The following DOK6 variants were observed in gnomAD, a reference collection of about 807,000 sequenced individuals.
DOK6 encodes the protein downstream of tyrosine kinase 6.
Under a neutral mutation model 44.0 loss-of-function variants are expected in DOK6, and 22 were observed. The ratio of observed to expected loss-of-function variants is 0.50; its 90% CI spans 0.36 to 0.71. DOK6 has a LOEUF of 0.71. Ranked by LOEUF, DOK6 falls within the 30% of genes least tolerant of loss-of-function variation. The pLI is 0.00. For missense variants in DOK6, 340 were observed against 416.4 expected (o/e 0.82, Z 1.60); for synonymous variants, 166 against 145.5 (o/e 1.14, Z -1.01).
intron 1 of DOK6, among the ~76,000 whole-genome samples, chr18:69,418,841 T>A (rs1411940236): frequency 3.3e-5 from 5 of 152,116 alleles, no homozygotes; most frequent in Admixed American, 2.0e-4. Flanking sequence ...GCTTCTAAAT[T>A]TCATATGAGA....
chr18:69,429,709 C>A (rs1978752826), intron 1 of DOK6, among the ~76,000 whole-genome samples: 1 of 146,552 alleles, frequency 6.8e-6, no homozygotes, highest in African/African-American at 2.5e-5. Flanking sequence ...CGTACCACCT[C>A]TAATGCAGTG....
intron 3 of DOK6, among the ~76,000 whole-genome samples, chr18:69,608,456 C>G (rs1348467577): frequency 1.3e-5 from 2 of 152,050 alleles, no homozygotes; most frequent in African/African-American, 2.4e-5. Context: ...CAGCTTTATT[C>G]CTGTTTCTCA....
At chr18:69,555,776 A>G (rs1198845317) in intron 1 of DOK6, among the ~76,000 whole-genome samples, 2 of 152,220 alleles carry the variant, frequency 1.3e-5, no homozygotes, top group African/African-American at 4.8e-5. Flanking sequence ...CATATTATGC[A>G]ATCATTGGGT....
At chr18:69,659,016 A>T (rs1985440956) in intron 3 of DOK6, among the ~76,000 whole-genome samples, 1 of 152,250 alleles carries the variant, frequency 6.6e-6, no homozygotes, top group South Asian at 2.1e-4. Context: ...TTGAAAACAC[A>T]TTAAAATCAA....
intron 3 of DOK6, among the ~76,000 whole-genome samples, chr18:69,630,175 C>A (rs999906950): frequency 6.6e-6 from 1 of 152,116 alleles, no homozygotes; most frequent in African/African-American, 2.4e-5. Flanking sequence ...TAAGCCCACC[C>A]TGTACACATA....
rs879454608 is a variant in DOK6 at position 69,566,144 on chromosome 18, T to TTTAC, written c.174+1554_174+1557dup. ...ATTTATTTATTTATTTATTTATTTA[T>TTTAC]TTACTTATTTATAGACGGAGTCTGG... is the stretch of plus-strand genomic sequence containing the variant. On this transcript the variant is annotated intron_variant, in intron 2 of 7. Coordinates refer to ENST00000382713, the MANE Select transcript of DOK6 (RefSeq NM_152721.6). 4.7e-3 allele frequency among the ~76,000 whole-genome samples: 675 copies of TTTAC among 144,722 alleles called. 2 individuals are homozygous for TTTAC. The highest frequency in any genetic ancestry group is 0.015 in the African/African-American group (609 of 40,040). 94.9% of individuals were successfully genotyped at this position (144,722 alleles called of 152,430 possible). A position where few individuals can be genotyped will look rare whatever the true frequency, so the allele number is the denominator to read the frequency against.
At chr18:69,606,084 C>A (rs916837353) in intron 3 of DOK6, among the ~76,000 whole-genome samples, 2 of 151,900 alleles carry the variant, frequency 1.3e-5, no homozygotes, top group African/African-American at 4.8e-5. Flanking sequence ...TCATCCCAGG[C>A]AACATGGTGA....
chr18:69,565,170 A>C (rs1982938657), intron 2 of DOK6, among the ~76,000 whole-genome samples: 1 of 152,222 alleles, frequency 6.6e-6, no homozygotes, highest in Non-Finnish European at 1.5e-5. Flanking sequence ...AAACACAGCT[A>C]GGTATTTTAT....
rs1190103554 is a variant in DOK6 at position 69,598,582 on chromosome 18, T to C, written c.175-802T>C. Among the ~76,000 whole-genome samples, 4 of 152,270 alleles carry C rather than the reference T, an allele frequency of 2.6e-5. No individual in the cohort carries two copies. The East Asian group carries it at 7.7e-4, about 29-fold the overall frequency. On this transcript the variant is annotated intron_variant, in intron 2 of 7. Transcript: ENST00000382713. Reference sequence around the variant, plus strand: ...TTAGAAGAAAAAATTCGCACCTTGATAAGCAGATTTTAAAAAATTAACTCA... The same window carrying C: ...TTAGAAGAAAAAATTCGCACCTTGACAAGCAGATTTTAAAAAATTAACTCA...
chr18:69,495,046 A>T (rs1980843270), intron 1 of DOK6, among the ~76,000 whole-genome samples: 3 of 152,230 alleles, frequency 2.0e-5, no homozygotes. Flanking sequence ...ACAGTCACGC[A>T]TGCTGGCTGA....
chr18:69,766,261 G>A (rs973451311), intron 7 of DOK6, among the ~76,000 whole-genome samples: 1 of 152,156 alleles, frequency 6.6e-6, no homozygotes, highest in Non-Finnish European at 1.5e-5. Flanking sequence ...AGAAGGAGGA[G>A]GGCAAGGGTT....
At chr18:69,634,078 A>AT (rs1344465561) in intron 3 of DOK6, among the ~76,000 whole-genome samples, 1 of 152,082 alleles carries the variant, frequency 6.6e-6, no homozygotes, top group Non-Finnish European at 1.5e-5. Flanking sequence ...AAAAAAAAAA[A>AT]GTACAAAATG....
intron 1 of DOK6, among the ~76,000 whole-genome samples, chr18:69,547,045 A>T (rs80049156): frequency 0.052 from 7,833 of 151,500 alleles, 686 homozygotes; most frequent in African/African-American, 0.17. Flanking sequence ...TTCACGTGGA[A>T]AAAGCAGGAA....
At chr18:69,525,049 C>A (rs1406115425) in intron 1 of DOK6, among the ~76,000 whole-genome samples, 1 of 151,462 alleles carries the variant, frequency 6.6e-6, no homozygotes, top group Non-Finnish European at 1.5e-5. Flanking sequence ...TGAATTTAAT[C>A]CAATCAATAT....
chr18:69,675,358 G>A (rs1298463553), intron 3 of DOK6, among the ~76,000 whole-genome samples: 1 of 152,162 alleles, frequency 6.6e-6, no homozygotes, highest in African/African-American at 2.4e-5. Flanking sequence ...GCACCAAGGT[G>A]CTTTGACATA....
Position 69,784,371 on chromosome 18 carries a change from G to C in DOK6, c.856+26498G>C, listed in dbSNP as rs560919697. Among the ~76,000 whole-genome samples, 457 of 151,806 alleles carry C rather than the reference G, an allele frequency of 3.0e-3. 2 individuals are homozygous for C. The highest frequency in any genetic ancestry group is 7.6e-3 in the African/African-American group (313 of 41,412). The stretch of plus-strand genomic sequence containing the variant: ...GGACTTATCTTTAATTAAATTGTTA[G>C]CCTTGCCCTAGACAAAACATCATGG... On this transcript the variant is annotated intron_variant, in intron 7 of 7. Transcript: ENST00000382713.
At chr18:69,767,661 T>C (rs1034467263) in intron 7 of DOK6, among the ~76,000 whole-genome samples, 1 of 152,042 alleles carries the variant, frequency 6.6e-6, no homozygotes, top group Non-Finnish European at 1.5e-5. Flanking sequence ...TTCAGAGACC[T>C]TTCTTCCTCC....
At chr18:69,796,281 C>T (rs1356725842) in intron 7 of DOK6, among the ~76,000 whole-genome samples, 2 of 152,122 alleles carry the variant, frequency 1.3e-5, no homozygotes, top group Non-Finnish European at 2.9e-5. Context: ...TTCTCTAATC[C>T]CCAGTTCTGC....
intron 5 of DOK6, among the ~76,000 whole-genome samples, chr18:69,703,237 T>C (rs1024176650): frequency 3.9e-5 from 6 of 152,180 alleles, no homozygotes; most frequent in African/African-American, 7.2e-5. Context: ...ATTTTTTTCA[T>C]GGAGGCCTTT....
Sources: allele counts gnomAD v4.1 joint callset (sites outside exome capture counted in the v4.1 genomes callset), GRCh38; gene constraint gnomAD v4.1.1; transcripts MANE v1.5; gene names NCBI Gene and HGNC (gene_info 2026-07-23, HGNC 2026-07-21).